WDR70: variants seen among roughly 807,000 people sequenced by gnomAD.
WDR70 encodes WD repeat-containing protein 70.
WDR70 carries 53 observed loss-of-function variants against 88.6 expected under a neutral mutation model. That is an observed-to-expected ratio of 0.60 (90% CI 0.48 to 0.75). WDR70 has a LOEUF of 0.75. Ranked by LOEUF, WDR70 falls within the 30% of genes least tolerant of loss-of-function variation. The pLI, the probability that WDR70 is intolerant of heterozygous loss-of-function variation, is 0.00. For missense variants in WDR70, 610 were observed against 823.2 expected (o/e 0.74, Z 3.17); for synonymous variants, 280 against 270.0 (o/e 1.04, Z -0.36).
intron 8 of WDR70, among the ~76,000 whole-genome samples, chr5:37,500,716 CTTTTTTTTTTTT>C (rs550821207): frequency 0.041 from 2,627 of 63,318 alleles, 127 homozygotes; most frequent in African/African-American, 0.13. Flanking sequence ...TATTTGTTGG[CTTTTTTTTTTTT>C]TTTTTTTTTT....
At chr5:37,560,854 CCAGA>C (rs746336934) in intron 9 of WDR70, among the ~76,000 whole-genome samples, 2 of 146,292 alleles carry the variant, frequency 1.4e-5, no homozygotes, top group Non-Finnish European at 3.0e-5. Context: ...GCTCTGTCAC[CCAGA>C]CAGATTGCAC....
At position 37,666,688 on chromosome 5, in the gene WDR70, G is replaced by A. The variant is rs144349324; in HGVS notation, c.1093-30967G>A. On this transcript the variant is annotated intron_variant, in intron 10 of 17. Coordinates refer to ENST00000265107, the MANE Select transcript of WDR70 (RefSeq NM_018034.4). The stretch of plus-strand genomic sequence containing the variant: ...ACAAACAGAGTCTAGGCTCACTTTA[G>A]TTGCAAATGAGGGTCAGAGCAGAGG... 1.9e-3 allele frequency among the ~76,000 whole-genome samples: 287 copies of A among 152,288 alleles called. 1 individual carries two copies. Among genetic ancestry groups the A allele is most frequent in the African/African-American group, 6.5e-3 (272 of 41,556 alleles).
At chr5:37,453,303 T>C (rs1581294229) in intron 7 of WDR70, among the ~76,000 whole-genome samples, 1 of 152,344 alleles carries the variant, frequency 6.6e-6, no homozygotes, top group East Asian at 1.9e-4. Flanking sequence ...AACAGAGATT[T>C]ACCCACATAT....
At chr5:37,721,679 AC>A (rs1441928095) in intron 14 of WDR70, 1 of 155,138 alleles carries the variant, frequency 6.4e-6, no homozygotes, top group East Asian at 1.9e-4. Flanking sequence ...CAGCACAGAT[AC>A]GTTTCCCCTC....
intron 9 of WDR70, among the ~76,000 whole-genome samples, chr5:37,562,457 T>G (rs927062404): frequency 6.6e-6 from 1 of 152,072 alleles, no homozygotes; most frequent in African/African-American, 2.4e-5. Context: ...TTTTTTTTTT[T>G]TTTTAATTGA....
At chr5:37,491,378 T>A (rs892316368) in intron 8 of WDR70, among the ~76,000 whole-genome samples, 7 of 152,338 alleles carry the variant, frequency 4.6e-5, no homozygotes, top group Non-Finnish European at 7.4e-5. Context: ...AAGTCCCCCA[T>A]AAGCTTTCTT....
At chr5:37,481,204 G>A (rs542829101) in intron 8 of WDR70, among the ~76,000 whole-genome samples, 57 of 152,318 alleles carry the variant, frequency 3.7e-4, no homozygotes, top group Non-Finnish European at 7.5e-4. Flanking sequence ...CTACCATTCT[G>A]GGGTCTGGAG....
At chr5:37,449,738 T>A (rs1738611426) in intron 7 of WDR70, among the ~76,000 whole-genome samples, 1 of 151,956 alleles carries the variant, frequency 6.6e-6, no homozygotes, top group Non-Finnish European at 1.5e-5. Context: ...AGATCTAGGT[T>A]CTTTATTATT....
intron 9 of WDR70, among the ~76,000 whole-genome samples, chr5:37,594,992 T>G (rs1223229738): frequency 3.9e-5 from 6 of 152,238 alleles, no homozygotes; most frequent in Admixed American, 3.9e-4. Context: ...ATTGATTTTT[T>G]ATCCTGAGAC....
intron 10 of WDR70, among the ~76,000 whole-genome samples, chr5:37,684,107 G>A (rs900285041): frequency 6.6e-5 from 10 of 152,092 alleles, no homozygotes; most frequent in Non-Finnish European, 1.3e-4. Flanking sequence ...CAAGCTCTGA[G>A]ATTCTTTCTT....
chr5:37,449,208 G>A (rs1373097400), intron 7 of WDR70, among the ~76,000 whole-genome samples: 1 of 152,184 alleles, frequency 6.6e-6, no homozygotes, highest in Non-Finnish European at 1.5e-5. Context: ...CAACTGTGGT[G>A]ATTGGGAGCT....
At chr5:37,506,103 T>G (rs1396833060) in intron 8 of WDR70, 1 of 1,184,318 alleles carries the variant, frequency 8.4e-7, no homozygotes, top group African/African-American at 1.5e-5. Flanking sequence ...AAGATTTGCA[T>G]GTGCAAGATT....
intron 9 of WDR70, among the ~76,000 whole-genome samples, chr5:37,549,184 T>C (rs1742075003): frequency 6.6e-6 from 1 of 152,250 alleles, no homozygotes; most frequent in Non-Finnish European, 1.5e-5. Flanking sequence ...ATGTCATTGG[T>C]ATTTCGATAG....
chr5:37,710,135 T>TA (rs1761055999), intron 13 of WDR70, among the ~76,000 whole-genome samples: 2 of 152,190 alleles, frequency 1.3e-5, no homozygotes, highest in South Asian at 4.1e-4. Context: ...TATCAAATCT[T>TA]AACATGTTTT....
At chr5:37,619,276 T>TAA (rs11314714) in intron 10 of WDR70, among the ~76,000 whole-genome samples, 25 of 140,474 alleles carry the variant, frequency 1.8e-4, no homozygotes, top group Admixed American at 8.5e-4. Flanking sequence ...CCCTAATTCT[T>TAA]AAAAAAAAAA....
In WDR70 at chr5:37,720,961, A is replaced by G. The variant is rs78915278; in HGVS notation, c.1417-154A>G. Among the ~76,000 whole-genome samples, 338 of 152,342 alleles carry G rather than the reference A, an allele frequency of 2.2e-3. 7 individuals are homozygous for G. The East Asian group carries it at 0.057, about 26-fold the overall frequency. On this transcript the variant is annotated intron_variant, in intron 13 of 17. Transcript: ENST00000265107. ...GATGGAATGGAATTTTACTTCAGGA[A>G]CACAACTTTATGGTTTAAAAGAAAA...
At chr5:37,659,933 C>G (rs1421535130) in intron 10 of WDR70, among the ~76,000 whole-genome samples, 1 of 152,188 alleles carries the variant, frequency 6.6e-6, no homozygotes, top group Non-Finnish European at 1.5e-5. Context: ...GCATTCAGTT[C>G]ATAACACCTT....
chr5:37,401,741 A>G (rs931843822), intron 5 of WDR70, among the ~76,000 whole-genome samples: 1 of 152,146 alleles, frequency 6.6e-6, no homozygotes, highest in Non-Finnish European at 1.5e-5. Flanking sequence ...TACAGACGTG[A>G]GTCATTGTGC....
chr5:37,743,949 A>G (rs1447646029), intron 17 of WDR70, among the ~76,000 whole-genome samples: 1 of 152,174 alleles, frequency 6.6e-6, no homozygotes, highest in East Asian at 1.9e-4. Context: ...CCTGCTCCCC[A>G]TGCCACCCAA....
Sources: allele counts gnomAD v4.1 joint callset (sites outside exome capture counted in the v4.1 genomes callset), GRCh38; gene constraint gnomAD v4.1.1; transcripts MANE v1.5; gene names NCBI Gene and HGNC (gene_info 2026-07-23, HGNC 2026-07-21).